HLA-G: variants seen among roughly 807,000 people sequenced by gnomAD.
HLA-G encodes major histocompatibility complex, class I, G.
HLA-G carries 34 observed loss-of-function variants against 39.3 expected under a neutral mutation model. The ratio of observed to expected loss-of-function variants is 0.86; its 90% confidence interval spans 0.66 to 1.15. The LOEUF (loss-of-function observed/expected upper bound fraction) is 1.15. HLA-G is among the 50% of genes most tolerant of loss of function. HLA-G has a pLI of 0.00. For synonymous variants in HLA-G, 183 were observed against 185.8 expected (o/e 0.99, Z 0.12); for missense variants, 419 against 456.4 (o/e 0.92, Z 0.75).
chr6:29,827,270 T>C, upstream of HLA-G: 1 of 360,186 alleles, frequency 2.8e-6, no homozygotes, highest in East Asian at 7.3e-5. Flanking sequence ...TTCTATCTCA[T>C]GCACTCAGGC....
intron 6 of HLA-G, 115 bp downstream of exon 6, chr6:29,830,525 AC>A: frequency 1.1e-6 from 1 of 942,304 alleles, no homozygotes; most frequent in Non-Finnish European, 1.8e-6. Flanking sequence ...GTGGTCTCTG[AC>A]CAGGTGCTGT....
Position 29,827,840 on chromosome 6 carries a change from C to G in HLA-G, c.-5C>G, listed in dbSNP as rs1208889824. Reference sequence around the variant, plus strand: ...ACCCGGACTCATTCTCCCCAGACGCCAAGGATGGTGGTCATGGCGCCCCGA... The same window carrying G: ...ACCCGGACTCATTCTCCCCAGACGCGAAGGATGGTGGTCATGGCGCCCCGA... On this transcript the variant is annotated 5_prime_UTR_variant, in exon 1 of 7. Coordinates refer to ENST00000360323, the MANE Select transcript of HLA-G (RefSeq NM_001384290.1). 1.9e-6 allele frequency: 3 copies of G among 1,612,990 alleles called. No individual in the cohort carries two copies. Among genetic ancestry groups the G allele is most frequent in the Non-Finnish European group, 2.5e-6 (3 of 1,179,582 alleles).
At chr6:29,829,716 C>T in intron 4 of HLA-G, 23 bp downstream of exon 4, 1 of 1,610,622 alleles carries the variant, frequency 6.2e-7, no homozygotes, top group Non-Finnish European at 8.5e-7. Flanking sequence ...ATGGAGGCAT[C>T]ATGTCTGTTA....
chr6:29,828,312 G>C lies in HLA-G; in HGVS notation c.339G>C (p.Glu113Asp), dbSNP rs759390427. 3.1e-6 allele frequency: 5 copies of C among 1,611,598 alleles called. No homozygotes were observed. Among genetic ancestry groups the C allele is most frequent in the Non-Finnish European group, 3.4e-6 (4 of 1,178,922 alleles). Reference protein sequence around the residue: ...QTLRGYYNQSEASSHTLQWMI... With the variant: ...QTLRGYYNQSDASSHTLQWMI... ...TGCGCGGCTACTACAACCAGAGCGA[G>C]GCCAGTGAGTAACTCCGGCCCAGGG... The change falls in exon 2 of 7, where the codon GAG becomes GAC. Residue 113 changes from glutamate to aspartate, a missense_variant. Physicochemically the swap from Glu to Asp is conservative, Grantham distance 45. Transcript: ENST00000360323.
At chr6:29,830,437 A>G in intron 6 of HLA-G, 27 bp downstream of exon 6, 1 of 1,598,208 alleles carries the variant, frequency 6.3e-7, no homozygotes, top group Non-Finnish European at 8.6e-7. Context: ...CTGATCCCTG[A>G]GATCCTTGGG....
chr6:29,828,086 G>T lies in HLA-G; in HGVS notation c.113G>T (p.Arg38Leu). ...AGGTATTTCAGCGCCGCCGTGTCCC[G>T]GCCCGGCCGCGGGGAGCCCCGCTTC... ...SMRYFSAAVS[R>L]PGRGEPRFIA... Residue 38 changes from arginine (R) to leucine (L), a missense_variant, in exon 2 of 7, where the codon CGG (arginine) becomes CTG (leucine). Arg to Leu is a moderately radical substitution (Grantham distance 102, BLOSUM62 -2). Transcript: ENST00000360323. 6.2e-7 allele frequency: 1 copy of T among 1,612,150 alleles called. No homozygotes were observed. The highest frequency in any genetic ancestry group is 8.5e-7 in the Non-Finnish European group (1 of 1,179,600).
chr6:29,828,774 T>C lies in HLA-G; in HGVS notation c.575T>C (p.Leu192Pro), dbSNP rs1760971989. The C allele has an allele frequency of 6.2e-7, 1 of 1,613,950 alleles. No homozygotes were observed. Among genetic ancestry groups the C allele is most frequent in the Non-Finnish European group, 8.5e-7 (1 of 1,180,002 alleles). ...AYLEGTCVEW[L>P]HRYLENGKEM... ...CTGGAGGGCACGTGCGTGGAGTGGC[T>C]CCACAGATACCTGGAGAACGGGAAG... is the stretch of plus-strand genomic sequence containing the variant. Residue 192 changes from leucine to proline, a missense_variant, in exon 3 of 7, where the codon CTC becomes CCC. Around this residue, in one of 2 missense-constraint regions of HLA-G, gnomAD observed 328 missense variants for 323.0 expected, o/e 1.02. Transcript: ENST00000360323.
At position 29,830,856 on chromosome 6, in the gene HLA-G, A is replaced by G. The variant is rs1761220090; in HGVS notation, c.*117A>G. 4.9e-6 allele frequency: 2 copies of G among 411,930 alleles called. No individual in the cohort carries two copies. The highest frequency in any genetic ancestry group is 9.9e-6 in the Non-Finnish European group (2 of 202,458). 25.5% of individuals were successfully genotyped at this position (411,930 alleles called of 1,614,324 possible). On this transcript the variant is annotated 3_prime_UTR_variant, in exon 7 of 7. Transcript: ENST00000360323. ...CTCCTCTTTGTGCAGAGACCAGCCC[A>G]CCCCTGTGCCCACCATGACCCTCTT... is the stretch of plus-strand genomic sequence containing the variant.
upstream of HLA-G, chr6:29,827,310 A>T (rs1055098414): frequency 9.0e-5 from 32 of 357,244 alleles, no homozygotes; most frequent in African/African-American, 6.9e-4. Flanking sequence ...GGGGGAAAAA[A>T]AACCCTGTCT....
chr6:29,830,227 C>A, intron 5 of HLA-G, 151 bp from the exon 6 acceptor site: 1 of 911,436 alleles, frequency 1.1e-6, no homozygotes, highest in Non-Finnish European at 1.8e-6. Context: ...CGAGGACCCA[C>A]ATCTGCTTTC....
intron 5 of HLA-G, among the ~76,000 whole-genome samples, chr6:29,830,177 A>C (rs1025941295): frequency 2.6e-5 from 4 of 152,164 alleles, no homozygotes; most frequent in Non-Finnish European, 4.4e-5. Context: ...GGTCAGGAGA[A>C]GGTCCCTGGC....
At chr6:29,827,528 A>G, upstream of HLA-G, 1 of 399,072 alleles carries the variant, frequency 2.5e-6, no homozygotes, top group Non-Finnish European at 4.8e-6. Flanking sequence ...CTCCTGGGCC[A>G]AGACTCAGGG....
upstream of HLA-G, among the ~76,000 whole-genome samples, chr6:29,826,540 G>A (rs1736936): frequency 0.48 from 73,306 of 151,868 alleles, 17,930 homozygotes; most frequent in South Asian, 0.67. Context: ...TAGAGCCACA[G>A]TTCAGGAGTG....
chr6:29,828,398 G>C (rs1665883782), intron 2 of HLA-G, 82 bp downstream of exon 2: 1 of 1,555,448 alleles, frequency 6.4e-7, no homozygotes, highest in Non-Finnish European at 8.7e-7. Flanking sequence ...CGAGTCTCCG[G>C]GTCTGGGATC....
chr6:29,829,437 G>C lies in HLA-G; in HGVS notation c.639G>C (p.Val213=). The change falls in exon 4 of 7, where the codon GTG becomes GTC. Residue 213 remains valine (V), a synonymous_variant. Coordinates refer to ENST00000360323, the MANE Select transcript of HLA-G (RefSeq NM_001384290.1). ...TTTCAGACCCCCCCAAGACACACGTGACCCACCACCCTGTCTTTGACTATG... is the reference window on the plus strand; with the variant it reads ...TTTCAGACCCCCCCAAGACACACGTCACCCACCACCCTGTCTTTGACTATG... ...LQRADPPKTH[V]THHPVFDYEA... The C allele has an allele frequency of 6.2e-7, 1 of 1,613,736 alleles. No homozygotes were observed.
chr6:29,828,248 A>G lies in HLA-G; in HGVS notation c.275A>G (p.Lys92Arg). 1 of 1,613,610 alleles carries G rather than the reference A, an allele frequency of 6.2e-7. No individual in the cohort carries two copies. The highest frequency in any genetic ancestry group is 1.1e-5 in the South Asian group (1 of 91,072). The change falls in exon 2 of 7, where the codon AAG becomes AGG. Residue 92 changes from lysine to arginine, a missense_variant. Physicochemically the swap from Lys to Arg is conservative, Grantham distance 26. This residue lies in a region of HLA-G where 328 missense variants were observed against 323.0 expected (regional missense o/e 1.02). Coordinates refer to ENST00000360323, the MANE Select transcript of HLA-G (RefSeq NM_001384290.1). ...TGGGAAGAGGAGACACGGAACACCAAGGCCCACGCACAGACTGACAGAATG... is the reference window on the plus strand; with the variant it reads ...TGGGAAGAGGAGACACGGAACACCAGGGCCCACGCACAGACTGACAGAATG... ...EYWEEETRNT[K>R]AHAQTDRMNL...
upstream of HLA-G, chr6:29,827,792 G>C (rs1179102578): frequency 1.9e-6 from 3 of 1,559,210 alleles, no homozygotes; most frequent in East Asian, 2.2e-5. Flanking sequence ...CCGCGGTCCT[G>C]GTTCTAAAGT....
At chr6:29,827,992 C>A (rs1257755833) in intron 1 of HLA-G, 55 bp from the exon 2 acceptor site, 1 of 1,592,434 alleles carries the variant, frequency 6.3e-7, no homozygotes, top group South Asian at 1.1e-5. Flanking sequence ...GCGCAGGACT[C>A]GGCAGCCGCG....
In HLA-G at chr6:29,828,760, G is replaced by A. The variant is rs1760970313; in HGVS notation, c.561G>A (p.Thr187=). 1 of 1,614,058 alleles carries A rather than the reference G, an allele frequency of 6.2e-7. No individual in the cohort carries two copies. Among genetic ancestry groups the A allele is most frequent in the Non-Finnish European group, 8.5e-7 (1 of 1,180,036 alleles). ...AAAGGAGAGCCTACCTGGAGGGCAC[G>A]TGCGTGGAGTGGCTCCACAGATACC... The part of the protein sequence containing the change: ...AEQRRAYLEG[T]CVEWLHRYLE... Residue 187 remains threonine (T), a synonymous_variant, in exon 3 of 7, where the codon ACG becomes ACA. Transcript: ENST00000360323.
Sources: gnomAD v4.1 joint callset for allele counts (sites outside exome capture counted in the v4.1 genomes callset) on GRCh38, gnomAD v4.1.1 for gene constraint, gnomAD v4.1.1 regional missense constraint, MANE v1.5 for transcripts, NCBI Gene and HGNC (gene_info 2026-07-23, HGNC 2026-07-21) for gene names.